Variants in CNOT4 observed in about 807,000 individuals in gnomAD.
CNOT4 encodes CCR4-associated factor 4.
Under a neutral mutation model 73.8 loss-of-function variants are expected in CNOT4, and 8 were observed. The ratio of observed to expected loss-of-function variants is 0.11; its 90% CI spans 0.06 to 0.20. The LOEUF (loss-of-function observed/expected upper bound fraction) is 0.20. CNOT4 is among the 10% of genes least tolerant of loss of function. CNOT4 has a pLI of 1.00. For missense variants in CNOT4, 564 were observed against 883.4 expected (o/e 0.64, Z 4.58); for synonymous variants, 293 against 321.1 (o/e 0.91, Z 0.94).
chr7:135,407,910 G>C (rs1365391465), intron 7 of CNOT4, among the ~76,000 whole-genome samples: 1 of 152,114 alleles, frequency 6.6e-6, no homozygotes, highest in Admixed American at 6.6e-5. Context: ...CAACTGATTG[G>C]GGAAGTTCAG....
chr7:135,442,224 G>A (rs1585648848), intron 1 of CNOT4, among the ~76,000 whole-genome samples: 1 of 152,198 alleles, frequency 6.6e-6, no homozygotes, highest in East Asian at 1.9e-4. Flanking sequence ...CTTTGAAATC[G>A]ACTCTCCAAA....
At chr7:135,381,265 T>C (rs188543364) in intron 10 of CNOT4, among the ~76,000 whole-genome samples, 5 of 152,326 alleles carry the variant, frequency 3.3e-5, no homozygotes, top group Admixed American at 2.6e-4. Context: ...AATTGCTTTA[T>C]ATAAAAACAC....
chr7:135,492,526 T>C (rs183712222), intron 1 of CNOT4, among the ~76,000 whole-genome samples: 4 of 152,212 alleles, frequency 2.6e-5, no homozygotes, highest in Admixed American at 2.0e-4. Context: ...TTAATGACGG[T>C]GAGGAACTGT....
chr7:135,401,223 C>G (rs1413057877), intron 7 of CNOT4, among the ~76,000 whole-genome samples: 1 of 152,206 alleles, frequency 6.6e-6, no homozygotes, highest in Non-Finnish European at 1.5e-5. Context: ...AGCACTGAGT[C>G]TGCTTAAGGT....
At chr7:135,426,389 T>A (rs1282306042) in intron 2 of CNOT4, among the ~76,000 whole-genome samples, 1 of 150,326 alleles carries the variant, frequency 6.7e-6, no homozygotes, top group African/African-American at 2.5e-5. Flanking sequence ...GACCACAAGG[T>A]CAGGAAATCG....
chr7:135,371,822 G>A (rs1795218879), intron 10 of CNOT4, among the ~76,000 whole-genome samples: 1 of 152,146 alleles, frequency 6.6e-6, no homozygotes, highest in Non-Finnish European at 1.5e-5. Flanking sequence ...ATCACAGACT[G>A]GATCAGATGA....
intron 3 of CNOT4, among the ~76,000 whole-genome samples, chr7:135,420,768 ATGT>A (rs945140171): frequency 6.6e-6 from 1 of 151,772 alleles, no homozygotes; most frequent in South Asian, 2.1e-4. Flanking sequence ...CAAAGTTGAG[ATGT>A]TGTTCAAGGA....
intron 1 of CNOT4, among the ~76,000 whole-genome samples, chr7:135,458,406 G>A (rs369088554): frequency 3.9e-5 from 6 of 152,032 alleles, no homozygotes; most frequent in East Asian, 1.9e-4. Context: ...CAGGGTGGTC[G>A]TTGCCAAAAG....
intron 10 of CNOT4, among the ~76,000 whole-genome samples, chr7:135,382,919 G>A (rs975263941): frequency 1.3e-5 from 2 of 152,030 alleles, no homozygotes; most frequent in African/African-American, 2.4e-5. Flanking sequence ...GACAGTATAC[G>A]GTATCTTCAC....
chr7:135,502,480 A>G (rs1804047451), intron 1 of CNOT4, among the ~76,000 whole-genome samples: 1 of 152,206 alleles, frequency 6.6e-6, no homozygotes, highest in Admixed American at 6.5e-5. Context: ...AAGTTCTGCC[A>G]AATTTTCCAA....
chr7:135,418,411 C>T (rs1797991605), intron 3 of CNOT4, among the ~76,000 whole-genome samples: 1 of 152,068 alleles, frequency 6.6e-6, no homozygotes, highest in Non-Finnish European at 1.5e-5. Flanking sequence ...AATAAGAGGC[C>T]ATGTGACAGA....
intron 1 of CNOT4, among the ~76,000 whole-genome samples, chr7:135,479,811 G>C (rs1043388630): frequency 6.6e-6 from 1 of 152,046 alleles, no homozygotes; most frequent in African/African-American, 2.4e-5. Context: ...GATTGCTTGA[G>C]CCTGGGAAGT....
intron 1 of CNOT4, among the ~76,000 whole-genome samples, chr7:135,455,795 G>A (rs1443142280): frequency 6.6e-6 from 1 of 152,142 alleles, no homozygotes. Context: ...GTGAACCTGT[G>A]AGGTGGAAGT....
intron 10 of CNOT4, among the ~76,000 whole-genome samples, chr7:135,392,585 G>GT (rs1796456338): frequency 6.6e-6 from 1 of 152,102 alleles, no homozygotes; most frequent in Non-Finnish European, 1.5e-5. Flanking sequence ...TGTTTCACAA[G>GT]TAAGTATCAT....
intron 6 of CNOT4, among the ~76,000 whole-genome samples, chr7:135,411,303 G>T (rs560595765): frequency 2.0e-5 from 3 of 152,124 alleles, no homozygotes; most frequent in African/African-American, 7.2e-5. Flanking sequence ...ACTGGAACAT[G>T]GTCATGCCCA....
intron 1 of CNOT4, among the ~76,000 whole-genome samples, chr7:135,502,351 A>T (rs1260245893): frequency 6.6e-6 from 1 of 152,218 alleles, no homozygotes; most frequent in Non-Finnish European, 1.5e-5. Flanking sequence ...GTCTGAAGAT[A>T]TCCCTGTACA....
At chr7:135,495,943 GA>G (rs1192363534) in intron 1 of CNOT4, among the ~76,000 whole-genome samples, 2 of 151,842 alleles carry the variant, frequency 1.3e-5, no homozygotes, top group South Asian at 2.1e-4. Context: ...CTAAAATAAA[GA>G]AAAAGAATAA....
chr7:135,492,572 C>G (rs906109260), intron 1 of CNOT4, among the ~76,000 whole-genome samples: 1 of 152,096 alleles, frequency 6.6e-6, no homozygotes, highest in Non-Finnish European at 1.5e-5. Flanking sequence ...GCTGAAAAGA[C>G]AGCAGTCAGA....
intron 10 of CNOT4, among the ~76,000 whole-genome samples, chr7:135,393,052 T>C (rs754428555): frequency 2.0e-5 from 3 of 152,186 alleles, no homozygotes; most frequent in Non-Finnish European, 4.4e-5. Context: ...CATGATTCTA[T>C]TTCACTTGAG....
Sources: allele counts gnomAD v4.1 joint callset (sites outside exome capture counted in the v4.1 genomes callset), GRCh38; gene constraint gnomAD v4.1.1; transcripts MANE v1.5; gene names NCBI Gene and HGNC (gene_info 2026-07-23, HGNC 2026-07-21).